Variants in ZFAT observed in about 807,000 individuals in gnomAD.
The protein encoded by ZFAT is zinc finger and AT-hook domain containing.
Under a neutral mutation model 117.7 loss-of-function variants are expected in ZFAT, and 64 were observed. The ratio of observed to expected loss-of-function variants is 0.54; its 90% CI spans 0.44 to 0.67. The LOEUF (loss-of-function observed/expected upper bound fraction) is 0.67, where lower values mean the gene tolerates loss of function less well. ZFAT is among the 30% of genes least tolerant of loss of function. The probability of loss-of-function intolerance (pLI) is 0.00; values close to 1 mark genes in which losing one functional copy is unlikely to be tolerated. For synonymous variants in ZFAT, 679 were observed against 615.0 expected, an observed-to-expected ratio of 1.10 and a Z score of -1.54; for missense variants, 1,433 against 1,584.5, an observed-to-expected ratio of 0.90 and a Z score of 1.62.
chr8:134,629,523 T>C (rs1042791341), intron 3 of ZFAT, among the ~76,000 whole-genome samples: 9 of 152,058 alleles, frequency 5.9e-5, no homozygotes, highest in Middle Eastern at 3.2e-3. Flanking sequence ...TCATGTTGAA[T>C]TGGAGGAGAG....
intron 11 of ZFAT, among the ~76,000 whole-genome samples, chr8:134,553,112 G>A (rs973063274): frequency 1.3e-5 from 2 of 152,178 alleles, no homozygotes; most frequent in Non-Finnish European, 1.5e-5. Context: ...GAAAGCATAC[G>A]CAGCAGGTCC....
intron 9 of ZFAT, among the ~76,000 whole-genome samples, chr8:134,585,723 A>G (rs1181336599): frequency 6.6e-6 from 1 of 152,194 alleles, no homozygotes; most frequent in Non-Finnish European, 1.5e-5. Flanking sequence ...GTGGATCTCC[A>G]GATCATCCAC....
rs529879218 is a variant in ZFAT at position 134,580,046 on chromosome 8, A to G, written c.2887+3786T>C. Among the ~76,000 whole-genome samples the G allele has an allele frequency of 1.8e-4, 27 of 151,882 alleles. No individual in the cohort carries two copies. In the South Asian group the frequency reaches 1.9e-3, roughly 11 times the overall value. ...AAAGCTAAGGCAGAACCAGGACAGG[A>G]TGCCGAGGCAGGGCAGCCAGGAGAG... On this transcript the variant is annotated intron_variant, in intron 10 of 15. Transcript: ENST00000377838.
the ZFAT span, among the ~76,000 whole-genome samples, chr8:134,779,181 G>GA: frequency 6.6e-6 from 1 of 152,162 alleles, no homozygotes; most frequent in Non-Finnish European, 1.5e-5. Flanking sequence ...AAAGTGTCTT[G>GA]TTTTTTTCCT....
intron 1 of ZFAT, among the ~76,000 whole-genome samples, chr8:134,702,496 GATAGTTA>G: frequency 6.6e-6 from 1 of 152,180 alleles, no homozygotes. Flanking sequence ...CTGTTCTGAT[GATAGTTA>G]ATAAGTCTCA....
At chr8:134,830,039 T>C in the ZFAT span, among the ~76,000 whole-genome samples, 1 of 152,232 alleles carries the variant, frequency 6.6e-6, no homozygotes, top group East Asian at 1.9e-4. Flanking sequence ...CATGTGTTTT[T>C]ACCACCTGGA....
the ZFAT span, among the ~76,000 whole-genome samples, chr8:134,813,707 C>T: frequency 1.3e-5 from 2 of 151,844 alleles, no homozygotes; most frequent in Middle Eastern, 3.2e-3. Flanking sequence ...CGTGAGCCAC[C>T]GTGCCTGGCC....
intron 11 of ZFAT, among the ~76,000 whole-genome samples, chr8:134,560,145 G>T (rs1050951413): frequency 3.3e-5 from 5 of 152,128 alleles, no homozygotes; most frequent in African/African-American, 1.2e-4. Flanking sequence ...CAGCTAAAAT[G>T]GCAGATCTCA....
the ZFAT span, among the ~76,000 whole-genome samples, chr8:134,812,098 C>T: frequency 6.6e-5 from 10 of 151,992 alleles, no homozygotes; most frequent in Middle Eastern, 3.4e-3. Flanking sequence ...GAGCCGAGAT[C>T]GCACCACTGC....
At chr8:134,682,827 C>A (rs1001643199) in intron 1 of ZFAT, among the ~76,000 whole-genome samples, 1 of 152,214 alleles carries the variant, frequency 6.6e-6, no homozygotes, top group African/African-American at 2.4e-5. Context: ...ACACCGTACA[C>A]ACTCAGGCTG....
At chr8:134,632,580 C>T (rs1030623296) in intron 3 of ZFAT, among the ~76,000 whole-genome samples, 5 of 152,026 alleles carry the variant, frequency 3.3e-5, no homozygotes, top group Admixed American at 3.3e-4. Flanking sequence ...GAAACAGAAG[C>T]ATTTTTTTTA....
At chr8:134,663,292 AG>A (rs1438211091) in intron 1 of ZFAT, among the ~76,000 whole-genome samples, 1 of 152,230 alleles carries the variant, frequency 6.6e-6, no homozygotes, top group Non-Finnish European at 1.5e-5. Flanking sequence ...TGAATGGCAC[AG>A]GGAAACGCTC....
chr8:134,737,342 A>G, the ZFAT span, among the ~76,000 whole-genome samples: 1 of 152,202 alleles, frequency 6.6e-6, no homozygotes, highest in Non-Finnish European at 1.5e-5. Context: ...TGTACTCTCC[A>G]CAATTATTAC....
At chr8:134,500,354 A>C (rs2130262914) in intron 15 of ZFAT, among the ~76,000 whole-genome samples, 1 of 152,226 alleles carries the variant, frequency 6.6e-6, no homozygotes, top group Non-Finnish European at 1.5e-5. Flanking sequence ...TAACAGAAAG[A>C]TGGGGACTTA....
the ZFAT span, among the ~76,000 whole-genome samples, chr8:134,757,009 C>CTTTTTTTTTTT: frequency 1.2e-5 from 1 of 81,212 alleles, no homozygotes; most frequent in Non-Finnish European, 2.2e-5. Context: ...ACCTTCTTTC[C>CTTTTTTTTTTT]TTTTTTTTTT....
At chr8:134,541,176 T>C (rs1030441159) in intron 11 of ZFAT, among the ~76,000 whole-genome samples, 2 of 152,224 alleles carry the variant, frequency 1.3e-5, no homozygotes, top group Non-Finnish European at 2.9e-5. Context: ...TACTGAAATG[T>C]AGTATTACTG....
upstream of ZFAT, among the ~76,000 whole-genome samples, chr8:134,713,308 C>T (rs547268787): frequency 2.0e-5 from 3 of 152,224 alleles, no homozygotes; most frequent in South Asian, 6.2e-4. Context: ...CCTAGACCCG[C>T]GGCATGTGGG....
intron 1 of ZFAT, among the ~76,000 whole-genome samples, chr8:134,710,488 G>C (rs951774456): frequency 2.6e-5 from 4 of 152,136 alleles, no homozygotes; most frequent in Admixed American, 2.6e-4. Context: ...AACTTCTTTG[G>C]ACGTACCTAT....
At chr8:134,809,938 TCAC>T in the ZFAT span, among the ~76,000 whole-genome samples, 1 of 152,170 alleles carries the variant, frequency 6.6e-6, no homozygotes, top group East Asian at 1.9e-4. Context: ...GTAAAATTTG[TCAC>T]CACCAACACA....
Sources: gnomAD v4.1 joint callset for allele counts (sites outside exome capture counted in the v4.1 genomes callset) on GRCh38, gnomAD v4.1.1 for gene constraint, MANE v1.5 for transcripts, NCBI Gene and HGNC (gene_info 2026-07-23, HGNC 2026-07-21) for gene names.